The following SETBP1 variants were observed in gnomAD, a reference collection of about 807,000 sequenced individuals.
The protein encoded by SETBP1 is SET-binding protein.
Under a neutral mutation model 101.0 loss-of-function variants are expected in SETBP1, and 9 were observed. The ratio of observed to expected loss-of-function variants is 0.09; its 90% CI spans 0.05 to 0.16. SETBP1 has a LOEUF of 0.16. SETBP1 is among the 10% of genes least tolerant of loss of function. SETBP1 has a pLI of 1.00. For synonymous variants in SETBP1, 818 were observed against 788.5 expected (o/e 1.04, Z -0.63); for missense variants, 1,858 against 2,033.8 (o/e 0.91, Z 1.66).
intron 4 of SETBP1, among the ~76,000 whole-genome samples, chr18:44,959,544 A>T (rs1223451063): frequency 6.6e-6 from 1 of 152,200 alleles, no homozygotes; most frequent in Non-Finnish European, 1.5e-5. Flanking sequence ...TTTTGCCTTC[A>T]AAGAGACTAC....
At chr18:44,685,786 C>G (rs1270357031) in intron 1 of SETBP1, among the ~76,000 whole-genome samples, 1 of 152,172 alleles carries the variant, frequency 6.6e-6, no homozygotes, top group Admixed American at 6.5e-5. Context: ...TTGGAATGAT[C>G]AGAAATGCCC....
At chr18:45,026,211 G>T (rs1362647418) in intron 4 of SETBP1, among the ~76,000 whole-genome samples, 2 of 152,184 alleles carry the variant, frequency 1.3e-5, no homozygotes, top group Non-Finnish European at 2.9e-5. Context: ...GGCATTTTTG[G>T]CTTGGTCTGT....
intron 3 of SETBP1, among the ~76,000 whole-genome samples, chr18:44,897,552 G>A (rs1001625325): frequency 1.3e-5 from 2 of 152,132 alleles, no homozygotes; most frequent in African/African-American, 4.8e-5. Flanking sequence ...AATCAAGCAG[G>A]GGCCATCATC....
chr18:44,881,219 C>T (rs905144415), intron 3 of SETBP1, among the ~76,000 whole-genome samples: 3 of 152,152 alleles, frequency 2.0e-5, no homozygotes, highest in Admixed American at 1.3e-4. Flanking sequence ...CAGGAATGTT[C>T]AGGTACCTCT....
intron 1 of SETBP1, among the ~76,000 whole-genome samples, chr18:44,681,951 A>G (rs2068766684): frequency 6.6e-6 from 1 of 150,856 alleles, no homozygotes; most frequent in Admixed American, 6.6e-5. Context: ...CAGCCCCTAC[A>G]CTCCCCCCAC....
At chr18:45,038,694 A>G in intron 5 of SETBP1, 39 bp downstream of exon 5, 1 of 1,607,966 alleles carries the variant, frequency 6.2e-7, no homozygotes, top group Non-Finnish European at 8.5e-7. Flanking sequence ...ACCCCAAGCA[A>G]GATGAATGTG....
intron 4 of SETBP1, among the ~76,000 whole-genome samples, chr18:44,995,135 C>CTTTTTT (rs58617770): frequency 4.7e-4 from 45 of 94,996 alleles, no homozygotes; most frequent in Non-Finnish European, 6.6e-4. Flanking sequence ...ATGTTATTTA[C>CTTTTTT]TTTTTTTTTT....
intron 2 of SETBP1, among the ~76,000 whole-genome samples, chr18:44,807,684 T>C (rs761650751): frequency 6.6e-6 from 1 of 152,218 alleles, no homozygotes; most frequent in Non-Finnish European, 1.5e-5. Context: ...GTAAGGGAAC[T>C]AGTAGGATCT....
In SETBP1 at chr18:45,046,582, G is replaced by A. The variant is rs554030405; in HGVS notation, c.4171+7927G>A. 3.3e-5 allele frequency among the ~76,000 whole-genome samples: 5 copies of A among 152,356 alleles called. No individual in the cohort carries two copies. In the South Asian group the frequency reaches 1.0e-3, roughly 32 times the overall value. ...GAAGAAGGAATATGCACGCATATGT[G>A]TCTTCCTTCACTCAGAAGTTCTGTG... On this transcript the variant is annotated intron_variant, in intron 5 of 5. Coordinates refer to ENST00000649279, the MANE Select transcript of SETBP1 (RefSeq NM_015559.3).
Position 45,063,227 on chromosome 18 carries a change from G to A in SETBP1, c.4320G>A (p.Gln1440=). Residue 1440 remains glutamine (Q), a synonymous_variant, in exon 6 of 6, where the codon CAG becomes CAA. Transcript: ENST00000649279. ...VNKILKAKRL[Q]RQSKTGNNFV... is the part of the protein sequence containing the mutation. ...AGATCCTGAAGGCCAAGCGGCTGCA[G>A]AGACAATCAAAAACAGGCAACAACT... 1 of 1,614,008 alleles carries A rather than the reference G, an allele frequency of 6.2e-7. No individual in the cohort carries two copies. Among genetic ancestry groups the A allele is most frequent in the Non-Finnish European group, 8.5e-7 (1 of 1,179,968 alleles).
At chr18:44,956,135 G>A (rs1297369778) in intron 4 of SETBP1, among the ~76,000 whole-genome samples, 1 of 152,100 alleles carries the variant, frequency 6.6e-6, no homozygotes, top group Non-Finnish European at 1.5e-5. Flanking sequence ...AGCTATGCCT[G>A]ATGTTCCTGC....
intron 3 of SETBP1, among the ~76,000 whole-genome samples, chr18:44,905,559 A>C (rs616444): frequency 0.077 from 11,150 of 143,912 alleles, 517 homozygotes; most frequent in South Asian, 0.12. Flanking sequence ...ATTTCCTGAG[A>C]AATAAAAGGG....
At chr18:44,810,145 C>T (rs181264662) in intron 2 of SETBP1, among the ~76,000 whole-genome samples, 1 of 152,202 alleles carries the variant, frequency 6.6e-6, no homozygotes, top group African/African-American at 2.4e-5. Context: ...TACCTTTCCT[C>T]TCTTCCCAAC....
chr18:44,961,904 G>A (rs1203409978), intron 4 of SETBP1, among the ~76,000 whole-genome samples: 11 of 152,194 alleles, frequency 7.2e-5, no homozygotes, highest in Admixed American at 6.5e-4. Flanking sequence ...ACTGAGCCAT[G>A]TACAAAGGAT....
At chr18:44,765,120 G>T (rs895001442) in intron 2 of SETBP1, among the ~76,000 whole-genome samples, 2 of 152,128 alleles carry the variant, frequency 1.3e-5, no homozygotes, top group African/African-American at 2.4e-5. Flanking sequence ...AGGTTTTGCC[G>T]CAAACAAGCT....
intron 4 of SETBP1, among the ~76,000 whole-genome samples, chr18:45,033,610 T>C (rs2073340656): frequency 6.6e-6 from 1 of 152,240 alleles, no homozygotes; most frequent in Non-Finnish European, 1.5e-5. Flanking sequence ...CAGCCTGGGC[T>C]TTCTTACCAT....
chr18:44,992,262 C>T (rs1265712943), intron 4 of SETBP1, among the ~76,000 whole-genome samples: 1 of 151,908 alleles, frequency 6.6e-6, no homozygotes, highest in Non-Finnish European at 1.5e-5. Context: ...AAGATAAAAA[C>T]AAATCAGTAA....
intron 4 of SETBP1, among the ~76,000 whole-genome samples, chr18:44,974,000 G>A (rs906100000): frequency 1.3e-5 from 2 of 152,102 alleles, no homozygotes; most frequent in Non-Finnish European, 2.9e-5. Flanking sequence ...CTAATTCATT[G>A]CTGGTCAATA....
chr18:44,722,196 T>G (rs2069615062), intron 2 of SETBP1, among the ~76,000 whole-genome samples: 1 of 152,172 alleles, frequency 6.6e-6, no homozygotes, highest in Non-Finnish European at 1.5e-5. Context: ...ACATAGATGT[T>G]TGGGGGGCCT....
Sources: gnomAD v4.1 joint callset for allele counts (sites outside exome capture counted in the v4.1 genomes callset) on GRCh38, gnomAD v4.1.1 for gene constraint, MANE v1.5 for transcripts, NCBI Gene and HGNC (gene_info 2026-07-23, HGNC 2026-07-21) for gene names.